The following SYNE1 variants were observed in gnomAD, a reference collection of about 807,000 sequenced individuals.
SYNE1 encodes nesprin-1.
SYNE1 carries 616 observed loss-of-function variants against 1,111.0 expected under a neutral mutation model. That is an observed-to-expected ratio of 0.55 (90% CI 0.52 to 0.59). SYNE1 has a LOEUF of 0.59. Among genes scored for constraint, SYNE1 ranks in the 20% least tolerant of loss-of-function variants. SYNE1 has a pLI of 0.00. For missense variants in SYNE1, 10,006 were observed against 10,417.0 expected (o/e 0.96, Z 1.72); for synonymous variants, 3,855 against 3,825.8 (o/e 1.01, Z -0.28).
At chr6:152,548,380 C>T (rs761814555) in intron 3 of SYNE1, among the ~76,000 whole-genome samples, 5 of 152,220 alleles carry the variant, frequency 3.3e-5, no homozygotes, top group Non-Finnish European at 5.9e-5. Context: ...GAACTGGCCA[C>T]GTGTGGCTCA....
intron 50 of SYNE1, 105 bp from the exon 51 acceptor site, chr6:152,395,776 A>C: frequency 8.3e-7 from 1 of 1,209,212 alleles, no homozygotes; most frequent in Non-Finnish European, 1.2e-6. Flanking sequence ...TTAAGACCTC[A>C]TGAATGTTCA....
chr6:152,524,752 T>G (rs1472230716), intron 5 of SYNE1, among the ~76,000 whole-genome samples: 1 of 152,098 alleles, frequency 6.6e-6, no homozygotes, highest in Non-Finnish European at 1.5e-5. Flanking sequence ...GGATGTGCTA[T>G]TGAGGGTTAC....
chr6:152,580,481 C>T (rs7775639), intron 3 of SYNE1, among the ~76,000 whole-genome samples: 23,462 of 152,068 alleles, frequency 0.15, 4,359 homozygotes, highest in African/African-American at 0.45. Context: ...ACTCAGTTGA[C>T]AGTGTCTTTT....
At chr6:152,432,188 G>T (rs903788107) in intron 34 of SYNE1, among the ~76,000 whole-genome samples, 13 of 152,124 alleles carry the variant, frequency 8.5e-5, no homozygotes, top group African/African-American at 2.9e-4. Flanking sequence ...TCAGTCATTT[G>T]AAATGGCATG....
Position 152,538,260 on chromosome 6 carries a change from T to C in SYNE1, c.129+1700A>G, listed in dbSNP as rs117610556. 5.2e-3 allele frequency among the ~76,000 whole-genome samples: 787 copies of C among 152,296 alleles called. 2 individuals are homozygous for C. Among genetic ancestry groups the C allele is most frequent in the Non-Finnish European group, 8.0e-3 (544 of 68,016 alleles). ...ACAACGTATACCAGGACTTTCACTGTAGTATTTTATATAATATGAAACAAC... is the reference window on the plus strand; with the variant it reads ...ACAACGTATACCAGGACTTTCACTGCAGTATTTTATATAATATGAAACAAC... On this transcript the variant is annotated intron_variant, in intron 4 of 145. Coordinates refer to ENST00000367255, the MANE Select transcript of SYNE1 (RefSeq NM_182961.4).
chr6:152,542,309 T>C (rs2099275020), intron 3 of SYNE1, among the ~76,000 whole-genome samples: 1 of 152,142 alleles, frequency 6.6e-6, no homozygotes, highest in African/African-American at 2.4e-5. Context: ...TTTGGAGAAA[T>C]TTTGAATCTA....
chr6:152,401,045 A>G, intron 47 of SYNE1, 93 bp downstream of exon 47: 2 of 1,288,348 alleles, frequency 1.6e-6, no homozygotes, highest in Non-Finnish European at 2.2e-6. Flanking sequence ...TGGGTAACTG[A>G]GAGCAGAGGT....
Position 152,436,084 on chromosome 6 carries a change from T to C in SYNE1, c.4167A>G (p.Thr1389=), listed in dbSNP as rs794727571. Residue 1389 remains threonine, a synonymous_variant, in exon 33 of 146, where the codon ACA becomes ACG. Transcript: ENST00000367255. ...LEQTKEFSKR[T]ESIAVQAENL... Reference sequence around the variant, plus strand: ...TCTCAGCCTGGACTGCAATACTTTCTGTCCGTTTAGAAAACTCCTAGAAAA... The same window carrying C: ...TCTCAGCCTGGACTGCAATACTTTCCGTCCGTTTAGAAAACTCCTAGAAAA... The C allele has an allele frequency of 3.7e-6, 6 of 1,613,950 alleles. No individual in the cohort carries two copies. Among genetic ancestry groups the C allele is most frequent in the Non-Finnish European group, 5.1e-6 (6 of 1,179,972 alleles).
chr6:152,626,279 G>A (rs1377557706), intron 3 of SYNE1, among the ~76,000 whole-genome samples: 7 of 129,614 alleles, frequency 5.4e-5, no homozygotes, highest in Non-Finnish European at 1.3e-4. Flanking sequence ...TTCACTTATG[G>A]TCAAGATGTA....
chr6:152,179,673 C>CTTTTTTTTTTTTTTTTTTTT lies in SYNE1; in HGVS notation c.23460+443_23460+462dup, dbSNP rs796260764. 9.1e-5 allele frequency among the ~76,000 whole-genome samples: 5 copies of CTTTTTTTTTTTTTTTTTTTT among 55,104 alleles called. 1 individual carries two copies. Among genetic ancestry groups the CTTTTTTTTTTTTTTTTTTTT allele is most frequent in the African/African-American group, 3.9e-4 (5 of 12,812 alleles). The allele number at this position is 55,104 out of a possible 152,430, so 36.2% of individuals were successfully genotyped here. On this transcript the variant is annotated intron_variant, in intron 129 of 145. Coordinates refer to ENST00000367255, the MANE Select transcript of SYNE1 (RefSeq NM_182961.4). ...GCAAGTTTATTTTATGCTGGATATC[C>CTTTTTTTTTTTTTTTTTTTT]TTTTTTTTTTTTTTTTTTTTTTTTT...
chr6:152,443,827 T>A (rs1430716965), intron 30 of SYNE1, among the ~76,000 whole-genome samples: 1 of 152,178 alleles, frequency 6.6e-6, no homozygotes, highest in Non-Finnish European at 1.5e-5. Flanking sequence ...TATGCAAACA[T>A]TTGTAATGTG....
At chr6:152,578,759 C>T (rs1352540950) in intron 3 of SYNE1, among the ~76,000 whole-genome samples, 1 of 152,048 alleles carries the variant, frequency 6.6e-6, no homozygotes, top group Admixed American at 6.5e-5. Context: ...AGAATTTGAC[C>T]TCTAATTACT....
At chr6:152,543,320 A>G (rs2099281879) in intron 3 of SYNE1, among the ~76,000 whole-genome samples, 1 of 152,200 alleles carries the variant, frequency 6.6e-6, no homozygotes, top group South Asian at 2.1e-4. Context: ...AAACGTAGTC[A>G]GCTGAATTCT....
rs1564709644 is a variant in SYNE1, at chr6:152,536,389, T to TAG, written c.129+3570_129+3571insCT. The stretch of plus-strand genomic sequence containing the variant: ...ATATATATATAGTAATATATATATA[T>TAG]TTATATATATACTATATATAGTAAT... On this transcript the variant is annotated intron_variant, in intron 4 of 145. Transcript: ENST00000367255. 4.7e-5 allele frequency among the ~76,000 whole-genome samples: 4 copies of TAG among 84,940 alleles called. No homozygotes were observed. In the East Asian group the frequency reaches 2.0e-3, roughly 43 times the overall value. 55.7% of individuals were successfully genotyped at this position (84,940 alleles called of 152,430 possible).
chr6:152,542,805 G>A (rs967453591), intron 3 of SYNE1, among the ~76,000 whole-genome samples: 2 of 151,868 alleles, frequency 1.3e-5, no homozygotes, highest in African/African-American at 4.8e-5. Flanking sequence ...GTTAGGTAGC[G>A]GCAAAATGAT....
chr6:152,550,490 G>A (rs892664669), intron 3 of SYNE1, among the ~76,000 whole-genome samples: 2 of 151,534 alleles, frequency 1.3e-5, no homozygotes, highest in South Asian at 4.2e-4. Context: ...TAGGCACTGG[G>A]TTGGCTTCTA....
Position 152,284,165 on chromosome 6 carries a change from A to T in SYNE1, c.18020T>A (p.Met6007Lys). 1 of 1,614,138 alleles carries T rather than the reference A, an allele frequency of 6.2e-7. No individual in the cohort carries two copies. Among genetic ancestry groups the T allele is most frequent in the Non-Finnish European group, 8.5e-7 (1 of 1,180,024 alleles). Reference sequence around the variant, plus strand: ...ATCCTGGAGCATGAGAATCTCATCCATCAATGCCTGGAGGAAAGACTGTGG... The same window carrying T: ...ATCCTGGAGCATGAGAATCTCATCCTTCAATGCCTGGAGGAAAGACTGTGG... Reference protein sequence around the residue: ...ESQMAEHQALMDEILMLQDEI... With the variant: ...ESQMAEHQALKDEILMLQDEI... Residue 6007 changes from methionine to lysine, a missense_variant, in exon 96 of 146, where the codon ATG becomes AAG. Met to Lys is a moderately conservative substitution (Grantham distance 95). Transcript: ENST00000367255.
chr6:152,623,525 G>A (rs1394861361), intron 3 of SYNE1, among the ~76,000 whole-genome samples: 1 of 152,040 alleles, frequency 6.6e-6, no homozygotes, highest in Non-Finnish European at 1.5e-5. Context: ...TGACAAATGG[G>A]ATATAATTAA....
chr6:152,562,383 T>C (rs1382466297), intron 3 of SYNE1, among the ~76,000 whole-genome samples: 3 of 152,004 alleles, frequency 2.0e-5, no homozygotes, highest in Non-Finnish European at 4.4e-5. Flanking sequence ...ATTATCAAAA[T>C]AGCAAAAGAT....
Sources: gnomAD v4.1 joint callset for allele counts (sites outside exome capture counted in the v4.1 genomes callset) on GRCh38, gnomAD v4.1.1 for gene constraint, MANE v1.5 for transcripts, NCBI Gene and HGNC (gene_info 2026-07-23, HGNC 2026-07-21) for gene names.